Variants in DPP6 observed in about 807,000 individuals in gnomAD.
DPP6 encodes dipeptidyl peptidase like 6, also known as A-type potassium channel modulatory protein DPP6.
DPP6 carries 69 observed loss-of-function variants against 122.6 expected under a neutral mutation model. That is an observed-to-expected ratio of 0.56 (90% CI 0.46 to 0.69). DPP6 has a LOEUF of 0.69. DPP6 is among the 30% of genes least tolerant of loss of function. The probability of loss-of-function intolerance (pLI) is 0.00; values close to 1 mark genes in which losing one functional copy is unlikely to be tolerated. For missense variants in DPP6, 928 were observed against 1,116.9 expected, an observed-to-expected ratio of 0.83 and a Z score of 2.41; for synonymous variants, 418 against 433.1, an observed-to-expected ratio of 0.97 and a Z score of 0.43.
At chr7:154,180,337 G>A (rs1411694661) in intron 1 of DPP6, among the ~76,000 whole-genome samples, 1 of 148,370 alleles carries the variant, frequency 6.7e-6, no homozygotes, top group Non-Finnish European at 1.5e-5. Flanking sequence ...AACAACCCGG[G>A]AGACAGATAG....
chr7:154,045,956 T>G (rs995811703), intron 1 of DPP6, among the ~76,000 whole-genome samples: 46 of 152,228 alleles, frequency 3.0e-4, no homozygotes, highest in Middle Eastern at 3.4e-3. Flanking sequence ...GACCATGCCA[T>G]TTTTTCATGC....
intron 1 of DPP6, among the ~76,000 whole-genome samples, chr7:154,189,890 A>G (rs895866149): frequency 6.6e-6 from 1 of 152,246 alleles, no homozygotes; most frequent in African/African-American, 2.4e-5. Context: ...AATAACCAAC[A>G]ACATTTTACA....
Position 154,600,619 on chromosome 7 carries a change from G to T in DPP6, c.627+33703G>T, listed in dbSNP as rs1833371621. ...ATAGATGATGAAACCAAGGCTAAAG[G>T]AAATATGATGAAATGTCCAGGGTCA... On this transcript the variant is annotated intron_variant, in intron 5 of 25. Coordinates refer to ENST00000377770, the MANE Select transcript of DPP6 (RefSeq NM_130797.4). Among the ~76,000 whole-genome samples, 2 of 121,458 alleles carry T rather than the reference G, an allele frequency of 1.6e-5. 1 individual carries two copies. The allele number at this position is 121,458 out of a possible 152,430, so 79.7% of individuals were successfully genotyped here.
rs148880804 is a variant in DPP6 at position 154,474,308 on chromosome 7, T to A, written c.359-631T>A. Among the ~76,000 whole-genome samples the A allele has an allele frequency of 8.5e-4, 130 of 152,362 alleles. 1 individual carries two copies. Among genetic ancestry groups the A allele is most frequent in the African/African-American group, 2.9e-3 (119 of 41,588 alleles). ...ATTAACTAAACATCTCATCTTGGGA[T>A]GAACATTAGCTGAGTGTGTTCACAG... On this transcript the variant is annotated intron_variant, in intron 2 of 25. Coordinates refer to ENST00000377770, the MANE Select transcript of DPP6 (RefSeq NM_130797.4).
intron 1 of DPP6, among the ~76,000 whole-genome samples, chr7:154,142,646 A>G (rs1476516252): frequency 2.0e-5 from 3 of 152,228 alleles, no homozygotes; most frequent in Non-Finnish European, 4.4e-5. Context: ...TTAATGTCAC[A>G]TGGACTTCCA....
At chr7:153,786,941 C>T in the DPP6 span, among the ~76,000 whole-genome samples, 3 of 145,190 alleles carry the variant, frequency 2.1e-5, no homozygotes, top group Admixed American at 6.9e-5. Flanking sequence ...GGGAAGATTT[C>T]CTTTTTTTTG....
At chr7:154,635,750 C>T (rs912297940) in intron 5 of DPP6, among the ~76,000 whole-genome samples, 1 of 152,120 alleles carries the variant, frequency 6.6e-6, no homozygotes, top group African/African-American at 2.4e-5. Context: ...GATGGGGAAC[C>T]CATTTCCACA....
intron 4 of DPP6, among the ~76,000 whole-genome samples, chr7:154,558,764 G>A (rs887494713): frequency 6.6e-6 from 1 of 152,120 alleles, no homozygotes; most frequent in African/African-American, 2.4e-5. Context: ...TGGCAGAATC[G>A]CCCAATGGTA....
At chr7:153,816,484 A>G in the DPP6 span, among the ~76,000 whole-genome samples, 3 of 152,362 alleles carry the variant, frequency 2.0e-5, no homozygotes, top group South Asian at 6.2e-4. Flanking sequence ...TTAAATATTG[A>G]CAACAGCATG....
the DPP6 span, among the ~76,000 whole-genome samples, chr7:153,818,707 C>A: frequency 6.6e-5 from 10 of 151,452 alleles, no homozygotes; most frequent in South Asian, 2.1e-3. Flanking sequence ...GAGCTCTGGG[C>A]AGGGAGGGAA....
the DPP6 span, among the ~76,000 whole-genome samples, chr7:153,852,858 C>A: frequency 1.3e-3 from 197 of 152,270 alleles, no homozygotes; most frequent in African/African-American, 4.5e-3. Context: ...GATTTTCACA[C>A]ACCAAAATGC....
At chr7:153,811,778 C>T in the DPP6 span, among the ~76,000 whole-genome samples, 2 of 152,184 alleles carry the variant, frequency 1.3e-5, no homozygotes, top group African/African-American at 2.4e-5. Context: ...AGGCCTTATG[C>T]ACCTGCTGTG....
intron 17 of DPP6, among the ~76,000 whole-genome samples, chr7:154,859,962 G>A (rs1803225517): frequency 6.6e-6 from 1 of 152,152 alleles, no homozygotes; most frequent in African/African-American, 2.4e-5. Flanking sequence ...ACCCCACAGC[G>A]GCCTGCAAGC....
chr7:154,573,163 G>A (rs1450769167), intron 5 of DPP6, among the ~76,000 whole-genome samples: 2 of 152,250 alleles, frequency 1.3e-5, no homozygotes, highest in Admixed American at 6.5e-5. Flanking sequence ...ACTGTCTACA[G>A]AGCCTTTCCT....
At chr7:153,961,945 G>A (rs1379085949) in intron 1 of DPP6, among the ~76,000 whole-genome samples, 3 of 149,344 alleles carry the variant, frequency 2.0e-5, no homozygotes, top group Admixed American at 1.3e-4. Context: ...GCTCAAGTTG[G>A]GGACCCCTGT....
At chr7:154,519,929 C>T (rs1472718572) in intron 3 of DPP6, among the ~76,000 whole-genome samples, 1 of 152,112 alleles carries the variant, frequency 6.6e-6, no homozygotes, top group African/African-American at 2.4e-5. Context: ...TATTTATTTT[C>T]TTACTTTCAA....
intron 1 of DPP6, among the ~76,000 whole-genome samples, chr7:154,063,296 C>T (rs1181056235): frequency 8.2e-6 from 1 of 121,926 alleles, no homozygotes; most frequent in Non-Finnish European, 1.8e-5. Context: ...AGGGACCCCC[C>T]ATGAGGCGGG....
intron 16 of DPP6, among the ~76,000 whole-genome samples, chr7:154,811,064 A>G (rs190912114): frequency 2.9e-4 from 44 of 152,332 alleles, no homozygotes; most frequent in African/African-American, 1.1e-3. Flanking sequence ...GCCTCATCTT[A>G]AGGTAGACAT....
chr7:153,811,381 T>C, the DPP6 span, among the ~76,000 whole-genome samples: 29 of 152,124 alleles, frequency 1.9e-4, no homozygotes, highest in African/African-American at 7.0e-4. Flanking sequence ...TTTCCCTGCA[T>C]TAGAGAACCA....
Sources: allele counts gnomAD v4.1 joint callset (sites outside exome capture counted in the v4.1 genomes callset), GRCh38; gene constraint gnomAD v4.1.1; transcripts MANE v1.5; gene names NCBI Gene and HGNC (gene_info 2026-07-23, HGNC 2026-07-21).